ANKRD55: variants seen among roughly 807,000 people sequenced by gnomAD.
ANKRD55 encodes ankyrin repeat domain-containing protein 55.
In ANKRD55, 41 loss-of-function variants were observed where a neutral mutation model predicts 60.6. The ratio of observed to expected loss-of-function variants is 0.68; its 90% CI spans 0.53 to 0.88. The LOEUF is 0.88. ANKRD55 is among the 40% of genes least tolerant of loss of function. The pLI is 0.00. For missense variants in ANKRD55, 732 were observed against 767.6 expected, an observed-to-expected ratio of 0.95 and a Z score of 0.55; for synonymous variants, 264 against 290.3, an observed-to-expected ratio of 0.91 and a Z score of 0.92.
Position 56,199,581 on chromosome 5 carries a change from A to AC in ANKRD55, c.59-15948_59-15947insG, listed in dbSNP as rs1581016699. Among the ~76,000 whole-genome samples, 4 of 134,764 alleles carry AC rather than the reference A, an allele frequency of 3.0e-5. No individual in the cohort carries two copies. In the East Asian group the frequency reaches 1.2e-3, roughly 40 times the overall value. 88.4% of individuals were successfully genotyped at this position (134,764 alleles called of 152,430 possible). ...GCATAAGATAAATTACCATGTTCAAAGTTAAAAAAAAAAAAAAACTTGGGT... is the reference window on the plus strand; with the variant it reads ...GCATAAGATAAATTACCATGTTCAAACGTTAAAAAAAAAAAAAAACTTGGGT... On this transcript the variant is annotated intron_variant, in intron 2 of 11. Coordinates refer to ENST00000341048, the MANE Select transcript of ANKRD55 (RefSeq NM_024669.3).
chr5:56,100,977 C>T (rs1030995732), intron 11 of ANKRD55, among the ~76,000 whole-genome samples: 3 of 152,316 alleles, frequency 2.0e-5, no homozygotes, highest in Non-Finnish European at 4.4e-5. Context: ...TCACTTTACA[C>T]ACATCTGTAA....
At chr5:56,129,838 C>A (rs1449515882) in intron 7 of ANKRD55, among the ~76,000 whole-genome samples, 5 of 152,142 alleles carry the variant, frequency 3.3e-5, no homozygotes, top group African/African-American at 1.2e-4. Context: ...AGTGCTTTAG[C>A]CTCTGTGTTG....
intron 7 of ANKRD55, among the ~76,000 whole-genome samples, chr5:56,141,317 G>C (rs1033271720): frequency 2.6e-5 from 4 of 151,862 alleles, no homozygotes; most frequent in Admixed American, 1.3e-4. Context: ...ACACAGCTTG[G>C]TCTCAAACTC....
At chr5:56,206,024 G>T (rs979947486) in intron 2 of ANKRD55, among the ~76,000 whole-genome samples, 4 of 149,434 alleles carry the variant, frequency 2.7e-5, no homozygotes, top group Non-Finnish European at 5.9e-5. Flanking sequence ...CGCCCAGGCT[G>T]GAGTTTAGTG....
At chr5:56,179,288 T>C (rs370042381) in intron 3 of ANKRD55, among the ~76,000 whole-genome samples, 33 of 152,316 alleles carry the variant, frequency 2.2e-4, no homozygotes, top group East Asian at 1.2e-3. Context: ...ATACACACTA[T>C]TATTTATGTA....
rs568422155 is a variant in ANKRD55, at chr5:56,144,007, A to G, written c.484-78T>C. Reference sequence around the variant, plus strand: ...AAACTGGAGCTCACACTTTCTCCTCAGGCCTGGGGGCCATCACCAGATGCG... The same window carrying G: ...AAACTGGAGCTCACACTTTCTCCTCGGGCCTGGGGGCCATCACCAGATGCG... On this transcript the variant is annotated intron_variant, in intron 6 of 11. Coordinates refer to ENST00000341048, the MANE Select transcript of ANKRD55 (RefSeq NM_024669.3). 14 of 1,591,040 alleles carry G rather than the reference A, an allele frequency of 8.8e-6. No homozygotes were observed. The South Asian group carries it at 1.4e-4, about 16-fold the overall frequency.
intron 2 of ANKRD55, among the ~76,000 whole-genome samples, chr5:56,183,835 G>A (rs159574): frequency 0.46 from 69,314 of 152,058 alleles, 18,991 homozygotes; most frequent in Middle Eastern, 0.63. Flanking sequence ...TAACACCGCC[G>A]TGTATTGGAA....
intron 2 of ANKRD55, among the ~76,000 whole-genome samples, chr5:56,214,817 A>G (rs1344524254): frequency 6.6e-6 from 1 of 152,106 alleles, no homozygotes; most frequent in Non-Finnish European, 1.5e-5. Flanking sequence ...CAACCAACCT[A>G]TCTCAACTCC....
intron 6 of ANKRD55, among the ~76,000 whole-genome samples, chr5:56,159,478 A>C (rs921887414): frequency 1.3e-5 from 2 of 151,760 alleles, no homozygotes; most frequent in Non-Finnish European, 2.9e-5. Flanking sequence ...AAAAAAAGAG[A>C]GCACGTCTTG....
At chr5:56,222,053 T>C (rs1237127253) in intron 2 of ANKRD55, among the ~76,000 whole-genome samples, 4 of 152,208 alleles carry the variant, frequency 2.6e-5, no homozygotes, top group African/African-American at 9.7e-5. Context: ...CCTCCTCAAG[T>C]GGGTCCCTGA....
intron 2 of ANKRD55, among the ~76,000 whole-genome samples, chr5:56,199,890 C>CAA (rs77128633): frequency 7.8e-5 from 6 of 77,362 alleles, no homozygotes; most frequent in South Asian, 4.2e-4. Context: ...GACTCTGTCT[C>CAA]AAAAAAAAAA....
At chr5:56,232,706 A>T in intron 2 of ANKRD55, 150 bp downstream of exon 2, 1 of 691,422 alleles carries the variant, frequency 1.4e-6, no homozygotes, top group South Asian at 2.1e-5. Flanking sequence ...CTCTTTCCAC[A>T]TCCTACATAG....
chr5:56,167,110 T>G (rs1758501694), intron 5 of ANKRD55, among the ~76,000 whole-genome samples: 1 of 152,244 alleles, frequency 6.6e-6, no homozygotes, highest in Non-Finnish European at 1.5e-5. Flanking sequence ...TCCAATATTC[T>G]GTAGGTAACC....
intron 7 of ANKRD55, among the ~76,000 whole-genome samples, chr5:56,135,360 T>TTTCTTTCTTTCTTTCTTTC (rs1561264197): frequency 1.6e-5 from 2 of 122,538 alleles, no homozygotes; most frequent in Non-Finnish European, 3.5e-5. Flanking sequence ...TCTTTCTTTC[T>TTTCTTTCTTTCTTTCTTTC]TTCTTTCCTT....
At chr5:56,225,432 G>A (rs1430131465) in intron 2 of ANKRD55, among the ~76,000 whole-genome samples, 6 of 152,172 alleles carry the variant, frequency 3.9e-5, no homozygotes, top group South Asian at 2.1e-4. Context: ...ACAAGACAGG[G>A]ATGCCCTCTC....
rs370942195 is a variant in ANKRD55, at chr5:56,111,636, C to G, written c.1112G>C (p.Arg371Thr). Residue 371 changes from arginine to threonine, a missense_variant, in exon 10 of 12, where the codon AGA becomes ACA. Around this residue, in one of 3 missense-constraint regions of ANKRD55, gnomAD observed 597 missense variants for 607.5 expected, o/e 0.98. Transcript: ENST00000341048. ...ATTGACTTCTGAGGTGTCCTCCTCT[C>G]TGTATCGGTCCCTGCTGGGATCCTT... ...HQKDPSRDRY[R>T]EEDTSEVNDI... is the part of the protein sequence containing the mutation. 2 of 1,555,474 alleles carry G rather than the reference C, an allele frequency of 1.3e-6. No homozygotes were observed. Among genetic ancestry groups the G allele is most frequent in the East Asian group, 2.2e-5 (1 of 44,664 alleles).
At chr5:56,125,566 C>T (rs1757223317) in intron 8 of ANKRD55, 1 of 152,078 alleles carries the variant, frequency 6.6e-6, no homozygotes. Flanking sequence ...AAGTGTGAGC[C>T]ACCACACTGG....
chr5:56,108,437 C>A (rs1012044442), intron 10 of ANKRD55: 4 of 152,206 alleles, frequency 2.6e-5, no homozygotes, highest in African/African-American at 9.7e-5. Flanking sequence ...CCTTCCTGAT[C>A]CTTCTGCAGA....
chr5:56,158,010 G>A (rs941663643), intron 6 of ANKRD55, among the ~76,000 whole-genome samples: 8 of 152,012 alleles, frequency 5.3e-5, no homozygotes, highest in Admixed American at 3.9e-4. Context: ...GTGAAACCCC[G>A]TCTCTACTAA....
Sources: allele counts gnomAD v4.1 joint callset (sites outside exome capture counted in the v4.1 genomes callset), GRCh38; gene constraint gnomAD v4.1.1; regional missense constraint gnomAD v4.1.1; transcripts MANE v1.5; gene names NCBI Gene and HGNC (gene_info 2026-07-23, HGNC 2026-07-21).